ZNF83: variants seen among roughly 807,000 people sequenced by gnomAD.
The protein encoded by ZNF83 is zinc finger protein 816B.
For synonymous variants in ZNF83, 209 were observed against 213.0 expected, an observed-to-expected ratio of 0.98 and a Z score of 0.17; for missense variants, 552 against 629.9, an observed-to-expected ratio of 0.88 and a Z score of 1.32.
intron 3 of ZNF83, among the ~76,000 whole-genome samples, chr19:52,644,978 C>G (rs1420611075): frequency 2.0e-5 from 3 of 148,974 alleles, no homozygotes; most frequent in Non-Finnish European, 3.0e-5. Flanking sequence ...CCATTGCACT[C>G]CAGTCTGGGC....
At chr19:52,654,372 T>G (rs536083545) in intron 3 of ZNF83, 1 of 1,223,764 alleles carries the variant, frequency 8.2e-7, no homozygotes, top group East Asian at 2.4e-5. Flanking sequence ...GCCCTGTTGA[T>G]GAGAACTCCG....
intron 1 of ZNF83, among the ~76,000 whole-genome samples, chr19:52,672,075 A>G (rs1404886272): frequency 2.0e-5 from 3 of 152,064 alleles, no homozygotes; most frequent in Non-Finnish European, 4.4e-5. Flanking sequence ...CTGTACTAAA[A>G]ATACAACAAT....
chr19:52,633,120 C>T (rs1181215808), intron 2 of ZNF83, among the ~76,000 whole-genome samples: 1 of 152,194 alleles, frequency 6.6e-6, no homozygotes, highest in African/African-American at 2.4e-5. Context: ...TGGCCTGTTC[C>T]TGCCTTAACT....
chr19:52,689,467 A>G (rs943283543), intron 1 of ZNF83, among the ~76,000 whole-genome samples: 1 of 151,812 alleles, frequency 6.6e-6, no homozygotes, highest in Admixed American at 6.6e-5. Context: ...CCTTGCCACC[A>G]GCACCACTCT....
chr19:52,637,519 C>G (rs900725757), intron 1 of ZNF83, among the ~76,000 whole-genome samples: 18 of 152,170 alleles, frequency 1.2e-4, no homozygotes, highest in Non-Finnish European at 7.3e-5. Flanking sequence ...TTTTCTCCTC[C>G]TGCTTTCTTT....
At chr19:52,626,274 CTT>C (rs201693559) in intron 2 of ZNF83, among the ~76,000 whole-genome samples, 1,792 of 152,324 alleles carry the variant, frequency 0.012, 24 homozygotes, top group African/African-American at 0.032. Context: ...ATATCACAAA[CTT>C]TATCAGTCCT....
chr19:52,675,184 T>C (rs1448705627), intron 1 of ZNF83, among the ~76,000 whole-genome samples: 1 of 152,188 alleles, frequency 6.6e-6, no homozygotes, highest in East Asian at 1.9e-4. Context: ...CATTAACTTG[T>C]TTTAAAAACC....
chr19:52,659,001 G>A (rs2061542782), intron 2 of ZNF83, among the ~76,000 whole-genome samples: 1 of 152,126 alleles, frequency 6.6e-6, no homozygotes, highest in Admixed American at 6.5e-5. Flanking sequence ...GTGTGCAGGC[G>A]ATTGGGCACC....
At chr19:52,670,491 GA>G (rs563023218) in intron 1 of ZNF83, among the ~76,000 whole-genome samples, 33 of 152,044 alleles carry the variant, frequency 2.2e-4, no homozygotes, top group African/African-American at 7.5e-4. Flanking sequence ...TTTCTGAGAA[GA>G]AAAAAAGAAA....
intron 1 of ZNF83, among the ~76,000 whole-genome samples, chr19:52,664,144 A>C (rs958843579): frequency 1.3e-5 from 2 of 151,078 alleles, no homozygotes; most frequent in African/African-American, 4.9e-5. Context: ...TTGGCCTCCA[A>C]ACTGCTGGGA....
chr19:52,669,030 G>A (rs1298496010), intron 1 of ZNF83, among the ~76,000 whole-genome samples: 1 of 151,758 alleles, frequency 6.6e-6, no homozygotes, highest in Non-Finnish European at 1.5e-5. Flanking sequence ...CTGAAGGGAT[G>A]CAGAGAGCTT....
At chr19:52,654,585 T>G (rs939128199) in intron 3 of ZNF83, among the ~76,000 whole-genome samples, 3 of 152,054 alleles carry the variant, frequency 2.0e-5, no homozygotes, top group African/African-American at 7.2e-5. Context: ...GGCATGGTGG[T>G]GGATGCCTGT....
intron 2 of ZNF83, among the ~76,000 whole-genome samples, chr19:52,619,400 G>A (rs945867820): frequency 2.0e-5 from 3 of 152,298 alleles, no homozygotes; most frequent in South Asian, 4.1e-4. Context: ...GGCTGAGGCA[G>A]GTGGATCACA....
At chr19:52,652,452 G>A in intron 3 of ZNF83, 1 of 397,930 alleles carries the variant, frequency 2.5e-6, no homozygotes, top group Non-Finnish European at 5.0e-6. Flanking sequence ...AAAAAAAAAT[G>A]ACTGCCACAA....
chr19:52,614,285 T>G (rs2147051201), exon 3 of ZNF83: 5 of 1,614,158 alleles, frequency 3.1e-6, no homozygotes, highest in Non-Finnish European at 4.2e-6. Context: ...TCACTACATT[T>G]GTAGTGTTCT....
chr19:52,619,357 G>A (rs1428153753), intron 2 of ZNF83, among the ~76,000 whole-genome samples: 2 of 152,216 alleles, frequency 1.3e-5, no homozygotes, highest in Non-Finnish European at 2.9e-5. Flanking sequence ...GCCAGGTGCT[G>A]TGGCTCACGC....
chr19:52,627,259 GC>G (rs1186525353), intron 2 of ZNF83, among the ~76,000 whole-genome samples: 44 of 152,054 alleles, frequency 2.9e-4, no homozygotes, highest in African/African-American at 9.9e-4. Context: ...GAAATAAACA[GC>G]CTTGTTGCTC....
At position 52,670,536 on chromosome 19, in the gene ZNF83, C is replaced by T. The variant is rs138217768; in HGVS notation, c.-282-9693G>A. Among the ~76,000 whole-genome samples the T allele has an allele frequency of 4.1e-3, 627 of 152,032 alleles. 3 individuals are homozygous for T. Among genetic ancestry groups the T allele is most frequent in the African/African-American group, 0.014 (576 of 41,468 alleles). On this transcript the variant is annotated intron_variant, in intron 1 of 5. Coordinates refer to the ZNF83 transcript ENST00000594682. ...TTTGGTGCTATTTCTTTTGCAGCAC[C>T]GAAACTTTATTTACAACACACTTAA...
intron 2 of ZNF83, among the ~76,000 whole-genome samples, chr19:52,632,636 A>T (rs1247041674): frequency 1.5e-5 from 2 of 135,678 alleles, no homozygotes; most frequent in South Asian, 4.7e-4. Flanking sequence ...CTTAACTCTT[A>T]AAGTAAATAA....
Sources: gnomAD v4.1 joint callset for allele counts (sites outside exome capture counted in the v4.1 genomes callset) on GRCh38, gnomAD v4.1.1 for gene constraint, MANE v1.5 for transcripts, NCBI Gene and HGNC (gene_info 2026-07-23, HGNC 2026-07-21) for gene names.